SHANK2: variants seen among roughly 807,000 people sequenced by gnomAD.
SHANK2 encodes the protein SH3 and multiple ankyrin repeat domains 2, also known as SH3 and multiple ankyrin repeat domains protein 2.
Under a neutral mutation model 133.7 loss-of-function variants are expected in SHANK2, and 43 were observed. The ratio of observed to expected loss-of-function variants is 0.32; its 90% CI spans 0.25 to 0.41. The LOEUF is 0.41. Ranked by LOEUF, SHANK2 falls within the 10% of genes least tolerant of loss-of-function variation. The probability of loss-of-function intolerance (pLI) is 1.00; values close to 1 mark genes in which losing one functional copy is unlikely to be tolerated. For missense variants in SHANK2, 1,994 were observed against 2,235.8 expected (o/e 0.89, Z 2.18); for synonymous variants, 1,017 against 952.8 (o/e 1.07, Z -1.24).
chr11:71,151,845 C>G (rs550243851), intron 2 of SHANK2, among the ~76,000 whole-genome samples: 1 of 152,248 alleles, frequency 6.6e-6, no homozygotes, highest in Admixed American at 6.5e-5. Flanking sequence ...GGAAGCCCCC[C>G]CTCAGTGGAC....
intron 10 of SHANK2, among the ~76,000 whole-genome samples, chr11:70,950,780 T>C (rs1424633007): frequency 2.6e-5 from 4 of 151,712 alleles, no homozygotes; most frequent in African/African-American, 9.7e-5. Flanking sequence ...GCTAATTTTG[T>C]GTGTGTGTGT....
intron 14 of SHANK2, among the ~76,000 whole-genome samples, chr11:70,749,282 A>G (rs1946708295): frequency 6.6e-6 from 1 of 152,230 alleles, no homozygotes; most frequent in Non-Finnish European, 1.5e-5. Flanking sequence ...TGCATCTGCA[A>G]AAGCCCCAGG....
intron 10 of SHANK2, among the ~76,000 whole-genome samples, chr11:70,930,570 A>G (rs777946841): frequency 1.9e-4 from 29 of 152,024 alleles, no homozygotes; most frequent in Non-Finnish European, 3.2e-4. Flanking sequence ...GCCACTCTCA[A>G]GTCACTGCCA....
chr11:70,484,042 G>C (rs1344365099), intron 25 of SHANK2, among the ~76,000 whole-genome samples: 2 of 152,232 alleles, frequency 1.3e-5, no homozygotes, highest in African/African-American at 2.4e-5. Context: ...GGCTTCATTA[G>C]TCAAAATGAT....
intron 13 of SHANK2, among the ~76,000 whole-genome samples, chr11:70,806,319 C>T (rs1328731761): frequency 6.6e-6 from 1 of 152,338 alleles, no homozygotes; most frequent in East Asian, 1.9e-4. Flanking sequence ...ACAACCTCCG[C>T]AGCCCACACC....
At chr11:70,661,797 C>A in intron 15 of SHANK2, 119 bp from the exon 16 acceptor site, 3 of 1,613,052 alleles carry the variant, frequency 1.9e-6, no homozygotes, top group Non-Finnish European at 1.7e-6. Flanking sequence ...CTCGCCAGAT[C>A]CAGGCAGCAT....
At chr11:70,585,455 G>C (rs1195604288) in intron 17 of SHANK2, among the ~76,000 whole-genome samples, 2 of 152,180 alleles carry the variant, frequency 1.3e-5, no homozygotes, top group Non-Finnish European at 2.9e-5. Flanking sequence ...ACACTGCCCT[G>C]CAATACTCTC....
rs1023181751 is a variant in SHANK2 at position 70,882,522 on chromosome 11, G to T, written c.1174+13979C>A. On this transcript the variant is annotated intron_variant, in intron 11 of 25. Coordinates refer to ENST00000601538, the MANE Select transcript of SHANK2 (RefSeq NM_012309.5). This position sits in a 1 kb window ranked among gnomAD's most constrained non-coding sequence, Gnocchi z 4.2. ...ACCTTGGCAGTATCTGGTCACTGCT[G>T]CAGGCTGACATGTGACCTTGTCATT... 6.6e-6 allele frequency among the ~76,000 whole-genome samples: 1 copy of T among 152,196 alleles called. No homozygotes were observed. The highest frequency in any genetic ancestry group is 1.5e-5 in the Non-Finnish European group (1 of 68,034).
intron 2 of SHANK2, among the ~76,000 whole-genome samples, chr11:71,163,111 T>TATATATATATATAC (rs1168851236): frequency 7.2e-6 from 1 of 137,960 alleles, no homozygotes; most frequent in Admixed American, 7.1e-5. Context: ...TATATATATA[T>TATATATATATATAC]ACAGAATAGA....
At chr11:70,949,613 T>A (rs1295755299) in intron 10 of SHANK2, among the ~76,000 whole-genome samples, 1 of 152,152 alleles carries the variant, frequency 6.6e-6, no homozygotes, top group Non-Finnish European at 1.5e-5. Flanking sequence ...AGCCTCACGG[T>A]TGGAGTGTTT....
intron 11 of SHANK2, among the ~76,000 whole-genome samples, chr11:70,876,558 C>CA (rs1389336415): frequency 1.9e-4 from 26 of 139,952 alleles, no homozygotes; most frequent in Admixed American, 1.4e-3. Flanking sequence ...GACTCCGCCT[C>CA]AAAAAAAAGA....
chr11:70,680,153 C>T (rs1238632653), intron 15 of SHANK2, among the ~76,000 whole-genome samples: 1 of 152,190 alleles, frequency 6.6e-6, no homozygotes, highest in Non-Finnish European at 1.5e-5. Context: ...CGCACCCCAT[C>T]CCAGGGAGTT....
At chr11:71,096,163 C>T (rs1360004484) in intron 6 of SHANK2, among the ~76,000 whole-genome samples, 4 of 152,188 alleles carry the variant, frequency 2.6e-5, no homozygotes, top group Non-Finnish European at 5.9e-5. Flanking sequence ...CAACTAGGAA[C>T]GATGTTCTCA....
chr11:70,616,299 G>A (rs571328629), intron 17 of SHANK2, among the ~76,000 whole-genome samples: 160 of 152,184 alleles, frequency 1.1e-3, no homozygotes, highest in African/African-American at 3.7e-3. Context: ...CAGGCCCTGC[G>A]TCTGTTGGCG....
intron 4 of SHANK2, among the ~76,000 whole-genome samples, chr11:71,115,194 C>T (rs1951955616): frequency 6.6e-6 from 1 of 152,108 alleles, no homozygotes; most frequent in South Asian, 2.1e-4. Context: ...TTTGGCCGGG[C>T]GTGGTGGCTC....
chr11:70,911,995 T>C (rs901944497), intron 10 of SHANK2, among the ~76,000 whole-genome samples: 4 of 147,374 alleles, frequency 2.7e-5, no homozygotes, highest in Non-Finnish European at 5.9e-5. Flanking sequence ...GGCAGGAGAA[T>C]TGCTTGAACC....
intron 11 of SHANK2, among the ~76,000 whole-genome samples, chr11:70,839,043 C>A (rs1274089223): frequency 1.3e-5 from 2 of 152,168 alleles, no homozygotes; most frequent in Non-Finnish European, 2.9e-5. Flanking sequence ...CCCGCGTTTG[C>A]CACTGTAATT....
intron 13 of SHANK2, among the ~76,000 whole-genome samples, chr11:70,806,324 C>T (rs979726533): frequency 2.0e-5 from 3 of 152,228 alleles, no homozygotes; most frequent in African/African-American, 7.2e-5. Context: ...CTCCGCAGCC[C>T]ACACCTGCCA....
intron 17 of SHANK2, among the ~76,000 whole-genome samples, chr11:70,547,473 C>T (rs151164175): frequency 3.6e-4 from 55 of 152,258 alleles, no homozygotes; most frequent in Non-Finnish European, 8.1e-4. Context: ...GTTGGCCAGG[C>T]TGGTTTCAAA....
Sources: gnomAD v4.1 joint callset for allele counts (sites outside exome capture counted in the v4.1 genomes callset) on GRCh38, gnomAD v4.1.1 for gene constraint, Gnocchi (gnomAD v3.1) non-coding constraint, MANE v1.5 for transcripts, NCBI Gene and HGNC (gene_info 2026-07-23, HGNC 2026-07-21) for gene names.